RNGTT: variants seen among roughly 807,000 people sequenced by gnomAD.
RNGTT encodes the protein mRNA-capping enzyme.
RNGTT carries 33 observed loss-of-function variants against 79.3 expected under a neutral mutation model. That is an observed-to-expected ratio of 0.42 (90% CI 0.32 to 0.56). The LOEUF (loss-of-function observed/expected upper bound fraction) is 0.56. Ranked by LOEUF, RNGTT falls within the 20% of genes least tolerant of loss-of-function variation. The pLI is 0.17. For missense variants in RNGTT, 497 were observed against 739.1 expected, an observed-to-expected ratio of 0.67 and a Z score of 3.80; for synonymous variants, 222 against 235.9, an observed-to-expected ratio of 0.94 and a Z score of 0.54.
intron 13 of RNGTT, among the ~76,000 whole-genome samples, chr6:88,702,020 G>A (rs1369529516): frequency 6.6e-6 from 1 of 152,040 alleles, no homozygotes; most frequent in Non-Finnish European, 1.5e-5. Flanking sequence ...GGAGGTGACA[G>A]GTCTTTACAA....
At chr6:88,862,810 G>T (rs1259544735) in intron 8 of RNGTT, among the ~76,000 whole-genome samples, 1 of 152,112 alleles carries the variant, frequency 6.6e-6, no homozygotes, top group Non-Finnish European at 1.5e-5. Context: ...ACTTTTTACT[G>T]CTGCTAACAG....
chr6:88,628,645 A>AT (rs1772726970), intron 14 of RNGTT, among the ~76,000 whole-genome samples: 1 of 152,170 alleles, frequency 6.6e-6, no homozygotes, highest in Non-Finnish European at 1.5e-5. Context: ...ACATTTATTA[A>AT]CTACCTGTGA....
At chr6:88,884,684 T>C (rs1170770240) in intron 8 of RNGTT, among the ~76,000 whole-genome samples, 1 of 152,160 alleles carries the variant, frequency 6.6e-6, no homozygotes, top group Non-Finnish European at 1.5e-5. Flanking sequence ...ACTCAGAATA[T>C]AAGCAGAAAC....
intron 4 of RNGTT, among the ~76,000 whole-genome samples, chr6:88,912,274 T>G (rs973212004): frequency 6.6e-6 from 1 of 151,494 alleles, no homozygotes; most frequent in South Asian, 2.1e-4. Flanking sequence ...CAGCCAAGCA[T>G]GGTGGCATGC....
In RNGTT at chr6:88,678,453, C is replaced by T. The variant is rs1774965886; in HGVS notation, c.1440-34G>A. On this transcript the variant is annotated intron_variant, in intron 13 of 15. Coordinates refer to ENST00000369485, the MANE Select transcript of RNGTT (RefSeq NM_003800.5). ...AAAAAAAAGCATTATTTATAAAATA[C>T]TCCTTCTTATAAATAAGGTTGTATA... 5 of 1,320,408 alleles carry T rather than the reference C, an allele frequency of 3.8e-6. No individual in the cohort carries two copies. In the East Asian group the frequency reaches 1.0e-4, roughly 27 times the overall value. The allele number at this position is 1,320,408 out of a possible 1,614,324, so 81.8% of individuals were successfully genotyped here. A position where few individuals can be genotyped will look rare whatever the true frequency, so the allele number is the denominator to read the frequency against.
intron 13 of RNGTT, among the ~76,000 whole-genome samples, chr6:88,693,151 G>A (rs1440460621): frequency 6.6e-6 from 1 of 151,910 alleles, no homozygotes; most frequent in Admixed American, 6.6e-5. Context: ...TTAAAAATTA[G>A]TGACTAGAAA....
chr6:88,799,215 A>G (rs1004000439), intron 12 of RNGTT, among the ~76,000 whole-genome samples: 10 of 152,172 alleles, frequency 6.6e-5, no homozygotes, highest in Admixed American at 1.3e-4. Flanking sequence ...AAACACATCA[A>G]TTTTCTCCAC....
At chr6:88,840,684 C>A (rs1030661250) in intron 11 of RNGTT, among the ~76,000 whole-genome samples, 5 of 152,100 alleles carry the variant, frequency 3.3e-5, no homozygotes, top group African/African-American at 9.7e-5. Flanking sequence ...CAGGTGTGAG[C>A]CACCACGCCT....
intron 14 of RNGTT, among the ~76,000 whole-genome samples, chr6:88,664,793 C>A (rs543468116): frequency 6.6e-6 from 1 of 152,136 alleles, no homozygotes; most frequent in Non-Finnish European, 1.5e-5. Flanking sequence ...ACCAGGCTCA[C>A]GTGCCCCCAA....
intron 13 of RNGTT, among the ~76,000 whole-genome samples, chr6:88,745,942 A>G (rs1055126153): frequency 5.3e-5 from 8 of 152,174 alleles, no homozygotes; most frequent in African/African-American, 1.9e-4. Flanking sequence ...GTGATACAAG[A>G]TCAGGACCCT....
intron 4 of RNGTT, among the ~76,000 whole-genome samples, chr6:88,921,355 T>C (rs1423487864): frequency 6.6e-6 from 1 of 152,176 alleles, no homozygotes; most frequent in Non-Finnish European, 1.5e-5. Flanking sequence ...TTAGCTGATA[T>C]AATTGTTAAT....
chr6:88,720,830 T>C (rs1776684732), intron 13 of RNGTT, among the ~76,000 whole-genome samples: 1 of 152,140 alleles, frequency 6.6e-6, no homozygotes, highest in South Asian at 2.1e-4. Context: ...TAAGGCACGT[T>C]CTAGCTGAGA....
chr6:88,699,990 A>G (rs116970450), intron 13 of RNGTT, among the ~76,000 whole-genome samples: 6,360 of 152,300 alleles, frequency 0.042, 201 homozygotes, highest in Middle Eastern at 0.065. Context: ...TGGAAATGGA[A>G]AGTGAAAATA....
chr6:88,657,707 G>T (rs897511311), intron 14 of RNGTT, among the ~76,000 whole-genome samples: 2 of 152,152 alleles, frequency 1.3e-5, no homozygotes, highest in African/African-American at 4.8e-5. Flanking sequence ...ATATAAACTT[G>T]GTGCTGTCGG....
At chr6:88,820,107 G>C (rs1441227220) in intron 11 of RNGTT, among the ~76,000 whole-genome samples, 1 of 152,116 alleles carries the variant, frequency 6.6e-6, no homozygotes, top group Non-Finnish European at 1.5e-5. Context: ...TGCCACAAGA[G>C]TGGTGCTTTC....
chr6:88,659,405 A>G (rs1412042174), intron 14 of RNGTT, among the ~76,000 whole-genome samples: 2 of 152,206 alleles, frequency 1.3e-5, no homozygotes, highest in Non-Finnish European at 2.9e-5. Context: ...AAAATACAGG[A>G]TATGGTTGAA....
At chr6:88,643,533 A>T (rs1773408317) in intron 14 of RNGTT, among the ~76,000 whole-genome samples, 1 of 152,146 alleles carries the variant, frequency 6.6e-6, no homozygotes, top group African/African-American at 2.4e-5. Flanking sequence ...CTCCACCCCA[A>T]ATCAACAGAA....
Position 88,952,776 on chromosome 6 carries a change from G to A in RNGTT, c.64+10570C>T, listed in dbSNP as rs1421067945. On this transcript the variant is annotated intron_variant, in intron 1 of 15. Coordinates refer to ENST00000369485, the MANE Select transcript of RNGTT (RefSeq NM_003800.5). ...TCAATGGCTGGGACACCTGAAGATG[G>A]ATTACATCACAGGACTCTGCAGACA... Among the ~76,000 whole-genome samples, 6 of 152,198 alleles carry A rather than the reference G, an allele frequency of 3.9e-5. No homozygotes were observed. The East Asian group carries it at 1.2e-3, about 29-fold the overall frequency.
chr6:88,936,966 T>C (rs1258965354), intron 2 of RNGTT, among the ~76,000 whole-genome samples: 1 of 152,212 alleles, frequency 6.6e-6, no homozygotes, highest in Non-Finnish European at 1.5e-5. Flanking sequence ...TATTTCTTCC[T>C]GATTCAATCT....
Sources: allele counts gnomAD v4.1 joint callset (sites outside exome capture counted in the v4.1 genomes callset), GRCh38; gene constraint gnomAD v4.1.1; transcripts MANE v1.5; gene names NCBI Gene and HGNC (gene_info 2026-07-23, HGNC 2026-07-21).